SEC14L1: variants seen among roughly 807,000 people sequenced by gnomAD.
The protein encoded by SEC14L1 is SEC14-like protein 1.
SEC14L1 carries 48 observed loss-of-function variants against 85.3 expected under a neutral mutation model. The ratio of observed to expected loss-of-function variants is 0.56; its 90% CI spans 0.45 to 0.72. The LOEUF is 0.72. Among genes scored for constraint, SEC14L1 ranks in the 30% least tolerant of loss-of-function variants. The pLI is 0.00. For missense variants in SEC14L1, 682 were observed against 921.4 expected (o/e 0.74, Z 3.36); for synonymous variants, 391 against 355.5 (o/e 1.10, Z -1.12).
At chr17:77,140,320 T>C (rs925773186), upstream of SEC14L1, among the ~76,000 whole-genome samples, 2 of 152,166 alleles carry the variant, frequency 1.3e-5, no homozygotes, top group African/African-American at 4.8e-5. Flanking sequence ...TCTGGATGTG[T>C]TGACAAGGAT....
At chr17:77,129,208 T>C (rs190777325) in intron 3 of SEC14L1, among the ~76,000 whole-genome samples, 1 of 152,308 alleles carries the variant, frequency 6.6e-6, no homozygotes, top group African/African-American at 2.4e-5. Context: ...ATTTACAAAA[T>C]GTTTTCATCA....
At chr17:77,089,068 G>C (rs183834815) in intron 1 of SEC14L1, 5 of 203,282 alleles carry the variant, frequency 2.5e-5, no homozygotes, top group East Asian at 3.5e-4. Context: ...GTCCCTGGCT[G>C]GGTTAGCCCA....
At chr17:77,188,510 G>C (rs145271066) in intron 3 of SEC14L1, among the ~76,000 whole-genome samples, 1 of 150,952 alleles carries the variant, frequency 6.6e-6, no homozygotes, top group Admixed American at 6.6e-5. Flanking sequence ...GTAGTGTTCC[G>C]TGGTGTGGCT....
At chr17:77,166,933 A>G (rs1974308276) in intron 3 of SEC14L1, among the ~76,000 whole-genome samples, 1 of 152,214 alleles carries the variant, frequency 6.6e-6, no homozygotes, top group Admixed American at 6.5e-5. Context: ...CATGCGTACT[A>G]GGCTCTCCAT....
At chr17:77,195,247 C>T (rs900225303) in intron 7 of SEC14L1, among the ~76,000 whole-genome samples, 1 of 151,618 alleles carries the variant, frequency 6.6e-6, no homozygotes, top group Non-Finnish European at 1.5e-5. Flanking sequence ...CCTTCTGCCT[C>T]GGCCTCCCAA....
chr17:77,214,805 T>G lies in SEC14L1; in HGVS notation c.*782T>G, dbSNP rs1976958581. The G allele has an allele frequency of 5.1e-6, 5 of 985,574 alleles. No individual in the cohort carries two copies. The highest frequency in any genetic ancestry group is 6.0e-6 in the Non-Finnish European group (5 of 830,046). The allele number at this position is 985,574 out of a possible 1,614,324, so 61.1% of individuals were successfully genotyped here. A position where few individuals can be genotyped will look rare whatever the true frequency, so the allele number is the denominator to read the frequency against. On this transcript the variant is annotated 3_prime_UTR_variant, in exon 17 of 17. Coordinates refer to ENST00000436233, the MANE Select transcript of SEC14L1 (RefSeq NM_001143998.2). ...GGTTCTTCCCGTTTCCTTCCGTGCGTCGCCCCTCTCACCTGCAGTCAGCTC... is the reference window on the plus strand; with the variant it reads ...GGTTCTTCCCGTTTCCTTCCGTGCGGCGCCCCTCTCACCTGCAGTCAGCTC...
intron 3 of SEC14L1, among the ~76,000 whole-genome samples, chr17:77,135,057 A>T (rs1476360075): frequency 6.6e-6 from 1 of 152,142 alleles, no homozygotes; most frequent in Non-Finnish European, 1.5e-5. Context: ...TAGCAAGGAC[A>T]CCAGTGGCCC....
At chr17:77,120,228 A>T (rs940352574) in intron 3 of SEC14L1, among the ~76,000 whole-genome samples, 15 of 152,202 alleles carry the variant, frequency 9.9e-5, no homozygotes, top group African/African-American at 3.6e-4. Flanking sequence ...AAATAAATTT[A>T]AAAAAAGTGA....
At chr17:77,151,516 G>A (rs1295133215) in intron 3 of SEC14L1, among the ~76,000 whole-genome samples, 2 of 152,120 alleles carry the variant, frequency 1.3e-5, no homozygotes, top group African/African-American at 4.8e-5. Context: ...GAAGGCAGTT[G>A]TGGTGCAGTA....
chr17:77,199,647 C>T (rs910708352), intron 8 of SEC14L1: 1 of 152,238 alleles, frequency 6.6e-6, no homozygotes, highest in Admixed American at 6.5e-5. Flanking sequence ...AGTATGTATA[C>T]AGAAAAGTGC....
chr17:77,203,626 A>C lies in SEC14L1; in HGVS notation c.1066A>C (p.Arg356=). 1 of 1,613,726 alleles carries C rather than the reference A, an allele frequency of 6.2e-7. No individual in the cohort carries two copies. The highest frequency in any genetic ancestry group is 1.3e-5 in the African/African-American group (1 of 74,990). The change falls in exon 10 of 17, where the codon AGA becomes CGA. Residue 356 remains arginine, a synonymous_variant. Coordinates refer to ENST00000436233, the MANE Select transcript of SEC14L1 (RefSeq NM_001143998.2). ...GCAGATGGACACCAAAGGCTTGGTG[A>C]GAGCGCTCGGGGAGGAAGCCCTGCT... ...LGQMDTKGLV[R]ALGEEALLRY...
chr17:77,134,702 G>C (rs1379209168), intron 3 of SEC14L1, among the ~76,000 whole-genome samples: 1 of 152,230 alleles, frequency 6.6e-6, no homozygotes, highest in African/African-American at 2.4e-5. Flanking sequence ...CTGCACGCTA[G>C]CCTGGGTGAC....
chr17:77,172,504 G>A (rs970156770), intron 3 of SEC14L1, among the ~76,000 whole-genome samples: 3 of 152,088 alleles, frequency 2.0e-5, no homozygotes, highest in Admixed American at 6.5e-5. Context: ...GTTGTGGGGC[G>A]GACAGCATGA....
At chr17:77,134,686 G>A (rs1355424023) in intron 3 of SEC14L1, among the ~76,000 whole-genome samples, 1 of 152,216 alleles carries the variant, frequency 6.6e-6, no homozygotes, top group Non-Finnish European at 1.5e-5. Flanking sequence ...AGCCGAGATT[G>A]TGCCACTGCA....
chr17:77,199,810 G>A (rs1229441891), intron 8 of SEC14L1, among the ~76,000 whole-genome samples: 1 of 152,200 alleles, frequency 6.6e-6, no homozygotes, highest in Admixed American at 6.5e-5. Context: ...AGAGTAGTAA[G>A]GGAGATGTTT....
chr17:77,202,946 A>AT (rs1331168328), intron 9 of SEC14L1, among the ~76,000 whole-genome samples: 16 of 151,868 alleles, frequency 1.1e-4, no homozygotes, highest in African/African-American at 3.9e-4. Flanking sequence ...TAAAAAAAAA[A>AT]AAAAAACAGA....
intron 10 of SEC14L1, chr17:77,205,070 G>C (rs542456789): frequency 1.8e-6 from 1 of 546,224 alleles, no homozygotes; most frequent in Admixed American, 3.3e-5. Context: ...ACACATGACA[G>C]TGTTTATTCT....
At chr17:77,157,095 G>A (rs1005922412) in intron 3 of SEC14L1, among the ~76,000 whole-genome samples, 1 of 152,160 alleles carries the variant, frequency 6.6e-6, no homozygotes, top group African/African-American at 2.4e-5. Flanking sequence ...TCCATAGCAT[G>A]AGGTAGGCCT....
chr17:77,147,373 T>TAA (rs146324385), intron 3 of SEC14L1, among the ~76,000 whole-genome samples: 7 of 149,194 alleles, frequency 4.7e-5, no homozygotes, highest in African/African-American at 4.9e-5. Context: ...TCAGTACCAT[T>TAA]AAAAAAAAAA....
Sources: allele counts gnomAD v4.1 joint callset (sites outside exome capture counted in the v4.1 genomes callset), GRCh38; gene constraint gnomAD v4.1.1; transcripts MANE v1.5; gene names NCBI Gene and HGNC (gene_info 2026-07-23, HGNC 2026-07-21).